OCA2: variants seen among roughly 807,000 people sequenced by gnomAD.
OCA2 encodes the protein P protein.
In OCA2, 77 loss-of-function variants were observed where a neutral mutation model predicts 100.2. The observed-to-expected ratio is 0.77, with a 90% CI of 0.64 to 0.93. The LOEUF is 0.93. OCA2 is among the 40% of genes least tolerant of loss of function. The probability of loss-of-function intolerance (pLI) is 0.00; values close to 1 mark genes in which losing one functional copy is unlikely to be tolerated. For synonymous variants in OCA2, 432 were observed against 439.2 expected, an observed-to-expected ratio of 0.98 and a Z score of 0.21; for missense variants, 1,062 against 1,089.1, an observed-to-expected ratio of 0.98 and a Z score of 0.35.
At chr15:28,014,632 A>G in intron 9 of OCA2, 144 bp downstream of exon 9, 2 of 880,970 alleles carry the variant, frequency 2.3e-6, no homozygotes, top group Non-Finnish European at 3.5e-6. Context: ...ACCTAGAGAG[A>G]GGGACACGCT....
intron 6 of OCA2, among the ~76,000 whole-genome samples, chr15:28,019,796 G>T (rs2042532276): frequency 6.6e-6 from 1 of 152,114 alleles, no homozygotes; most frequent in African/African-American, 2.4e-5. Flanking sequence ...CTTTCTCAGG[G>T]AATCACCTTG....
At chr15:27,896,568 G>C (rs2037697517) in intron 19 of OCA2, 1 of 350,570 alleles carries the variant, frequency 2.9e-6, no homozygotes. Context: ...TCAGAAGTGG[G>C]CTTCTGAGAG....
At chr15:27,909,618 G>T (rs2703928) in intron 19 of OCA2, among the ~76,000 whole-genome samples, 8,234 of 152,118 alleles carry the variant, frequency 0.054, 759 homozygotes, top group African/African-American at 0.19. Flanking sequence ...AGCTAATGTA[G>T]GATAAAATTG....
chr15:27,937,374 A>C (rs1315025266), intron 18 of OCA2, among the ~76,000 whole-genome samples: 1 of 152,196 alleles, frequency 6.6e-6, no homozygotes, highest in Non-Finnish European at 1.5e-5. Flanking sequence ...ATTTTCAGAG[A>C]GTCTTTTGGT....
At chr15:28,083,194 A>G (rs1453435554) in intron 1 of OCA2, among the ~76,000 whole-genome samples, 1 of 152,350 alleles carries the variant, frequency 6.6e-6, no homozygotes, top group South Asian at 2.1e-4. Context: ...GGATGAAAGG[A>G]GTTTGCTGTG....
intron 2 of OCA2, among the ~76,000 whole-genome samples, chr15:28,045,160 T>G (rs1228764728): frequency 6.6e-6 from 1 of 152,230 alleles, no homozygotes; most frequent in Non-Finnish European, 1.5e-5. Flanking sequence ...TGATTCCATT[T>G]TATCCTTTTA....
intron 17 of OCA2, among the ~76,000 whole-genome samples, chr15:27,953,111 A>T (rs182936983): frequency 6.6e-6 from 1 of 152,358 alleles, no homozygotes; most frequent in African/African-American, 2.4e-5. Context: ...TCATGGATGC[A>T]GGTGGATCTC....
At chr15:27,806,673 C>A (rs973474833) in intron 23 of OCA2, among the ~76,000 whole-genome samples, 1 of 152,244 alleles carries the variant, frequency 6.6e-6, no homozygotes, top group African/African-American at 2.4e-5. Flanking sequence ...GGCACACATG[C>A]TTAGCATGAT....
intron 2 of OCA2, among the ~76,000 whole-genome samples, chr15:28,058,350 T>C (rs943218383): frequency 6.6e-5 from 10 of 152,222 alleles, no homozygotes; most frequent in Non-Finnish European, 1.5e-5. Flanking sequence ...CCTCTGGGAA[T>C]TGGCCTTCCT....
intron 19 of OCA2, among the ~76,000 whole-genome samples, chr15:27,894,774 T>C (rs953618901): frequency 2.0e-5 from 3 of 152,198 alleles, no homozygotes; most frequent in Non-Finnish European, 4.4e-5. Flanking sequence ...TGATGTGTGA[T>C]TGTGACGTAC....
intron 23 of OCA2, among the ~76,000 whole-genome samples, chr15:27,828,652 C>A (rs1275455799): frequency 6.6e-6 from 1 of 152,130 alleles, no homozygotes; most frequent in Non-Finnish European, 1.5e-5. Flanking sequence ...GCTGACCCAA[C>A]CTCCGAAAAT....
chr15:27,735,097 GA>G, the OCA2 span, among the ~76,000 whole-genome samples: 5 of 150,338 alleles, frequency 3.3e-5, no homozygotes, highest in Admixed American at 2.0e-4. Flanking sequence ...AAATACAGGA[GA>G]AAAAAAAATC....
At chr15:27,789,256 T>C (rs1307715213) in intron 23 of OCA2, among the ~76,000 whole-genome samples, 1 of 151,940 alleles carries the variant, frequency 6.6e-6, no homozygotes, top group Non-Finnish European at 1.5e-5. Context: ...GTAATTTCCA[T>C]TCCTTTCTTT....
In OCA2 at chr15:27,935,797, C is replaced by T. The variant is rs181486323; in HGVS notation, c.1952-9543G>A. 2.0e-3 allele frequency among the ~76,000 whole-genome samples: 306 copies of T among 152,274 alleles called. 1 individual carries two copies. Among genetic ancestry groups the T allele is most frequent in the African/African-American group, 6.8e-3 (284 of 41,558 alleles). ...CTGAGAAATGTAACTTAATTTTGTTCTATTTGAAACCTTGTCATCTTTTAT... is the reference window on the plus strand; with the variant it reads ...CTGAGAAATGTAACTTAATTTTGTTTTATTTGAAACCTTGTCATCTTTTAT... On this transcript the variant is annotated intron_variant, in intron 18 of 23. Coordinates refer to ENST00000354638, the MANE Select transcript of OCA2 (RefSeq NM_000275.3).
At chr15:27,766,592 G>A (rs146669563) in intron 23 of OCA2, among the ~76,000 whole-genome samples, 197 of 152,258 alleles carry the variant, frequency 1.3e-3, no homozygotes, top group African/African-American at 4.6e-3. Context: ...ATGTCTCTCT[G>A]GAAGCCTCAC....
intron 2 of OCA2, among the ~76,000 whole-genome samples, chr15:28,068,423 C>G (rs1595902931): frequency 6.6e-6 from 1 of 152,264 alleles, no homozygotes; most frequent in East Asian, 1.9e-4. Flanking sequence ...GATTGAAAAC[C>G]TGAATAAACC....
At position 28,070,450 on chromosome 15, in the gene OCA2, GC is replaced by G. The variant is rs1181157593; in HGVS notation, c.227+11197del. ...GTCCGGGAGGGAGATGGGGGGGTCA[GC>G]CCCCCCACCCGGCCAGCCGCCCAGT... On this transcript the variant is annotated intron_variant, in intron 2 of 23. Transcript: ENST00000354638. Among the ~76,000 whole-genome samples the G allele has an allele frequency of 9.9e-5, 12 of 121,820 alleles. 1 individual carries two copies. The highest frequency in any genetic ancestry group is 4.4e-4 in the African/African-American group (10 of 22,622). The allele number at this position is 121,820 out of a possible 152,430, so 79.9% of individuals were successfully genotyped here. A position where few individuals can be genotyped will look rare whatever the true frequency, so the allele number is the denominator to read the frequency against.
intron 23 of OCA2, among the ~76,000 whole-genome samples, chr15:27,819,019 A>C (rs1245204107): frequency 6.6e-6 from 1 of 152,206 alleles, no homozygotes; most frequent in African/African-American, 2.4e-5. Flanking sequence ...GTCAGCATCC[A>C]TGACACTTTG....
intron 2 of OCA2, among the ~76,000 whole-genome samples, chr15:28,073,535 G>C (rs2044330166): frequency 1.3e-5 from 2 of 152,164 alleles, no homozygotes; most frequent in Non-Finnish European, 2.9e-5. Context: ...TTATAAATGG[G>C]AGTTATGCAT....
Sources: allele counts gnomAD v4.1 joint callset (sites outside exome capture counted in the v4.1 genomes callset), GRCh38; gene constraint gnomAD v4.1.1; transcripts MANE v1.5; gene names NCBI Gene and HGNC (gene_info 2026-07-23, HGNC 2026-07-21).